Variants in MAST4 observed in about 807,000 individuals in gnomAD.
MAST4 encodes the protein microtubule-associated serine/threonine-protein kinase 4.
MAST4 carries 89 observed loss-of-function variants against 162.7 expected under a neutral mutation model. That is an observed-to-expected ratio of 0.55 (90% CI 0.46 to 0.65). The LOEUF (loss-of-function observed/expected upper bound fraction) is 0.65, where lower values mean the gene tolerates loss of function less well. MAST4 is among the 30% of genes least tolerant of loss of function. The pLI, the probability that MAST4 is intolerant of heterozygous loss-of-function variation, is 0.00. For missense variants in MAST4, 3,153 were observed against 3,374.0 expected, an observed-to-expected ratio of 0.93 and a Z score of 1.62; for synonymous variants, 1,479 against 1,361.1, an observed-to-expected ratio of 1.09 and a Z score of -1.91.
intron 4 of MAST4, among the ~76,000 whole-genome samples, chr5:66,947,252 T>C (rs1247561897): frequency 6.6e-6 from 1 of 152,184 alleles, no homozygotes; most frequent in Non-Finnish European, 1.5e-5. Flanking sequence ...ATGACTTTTA[T>C]GGTCCCTGTA....
intron 26 of MAST4, among the ~76,000 whole-genome samples, chr5:67,159,411 G>C (rs1431753886): frequency 6.6e-6 from 1 of 152,078 alleles, no homozygotes; most frequent in Non-Finnish European, 1.5e-5. Context: ...GGGGAAGGTA[G>C]ATGCTATCTT....
intron 3 of MAST4, among the ~76,000 whole-genome samples, chr5:66,844,759 A>C (rs1028035749): frequency 6.6e-6 from 1 of 152,034 alleles, no homozygotes; most frequent in African/African-American, 2.4e-5. Flanking sequence ...GTGCTGTAAG[A>C]GTACTTAAGA....
chr5:66,629,172 G>A lies in MAST4; in HGVS notation c.363+32154G>A, dbSNP rs922598468. Among the ~76,000 whole-genome samples, 49 of 152,180 alleles carry A rather than the reference G, an allele frequency of 3.2e-4. 1 individual carries two copies. Among genetic ancestry groups the A allele is most frequent in the Non-Finnish European group, 7.3e-5 (5 of 68,034 alleles). On this transcript the variant is annotated intron_variant, in intron 1 of 28. Coordinates refer to ENST00000403625, the MANE Select transcript of MAST4 (RefSeq NM_001164664.2). ...AATCACCAATATCCAGGGACAGAGA[G>A]CCAAGGAAGGCTGGGCTTTTACTGG...
intron 6 of MAST4, chr5:67,093,504 C>G: frequency 3.0e-6 from 1 of 338,844 alleles, no homozygotes; most frequent in Non-Finnish European, 6.1e-6. Flanking sequence ...CCTTTGTGCT[C>G]CATTTGAGTA....
At chr5:66,842,254 G>C (rs1463450582) in intron 3 of MAST4, among the ~76,000 whole-genome samples, 1 of 152,130 alleles carries the variant, frequency 6.6e-6, no homozygotes, top group Non-Finnish European at 1.5e-5. Context: ...TGGTGAATAG[G>C]GTAGGGTGTG....
At chr5:66,691,993 G>T (rs1014478163) in intron 1 of MAST4, among the ~76,000 whole-genome samples, 1 of 152,110 alleles carries the variant, frequency 6.6e-6, no homozygotes, top group Admixed American at 6.6e-5. Context: ...ATATGTAGGT[G>T]TAAAAATTAC....
intron 8 of MAST4, among the ~76,000 whole-genome samples, chr5:67,101,224 G>C (rs974304051): frequency 6.6e-6 from 1 of 152,182 alleles, no homozygotes; most frequent in Admixed American, 6.5e-5. Flanking sequence ...GAAGGGAGAG[G>C]CAGGATTGGA....
chr5:66,749,610 A>G (rs1485903184), intron 1 of MAST4, among the ~76,000 whole-genome samples: 4 of 152,350 alleles, frequency 2.6e-5, no homozygotes, highest in African/African-American at 9.6e-5. Context: ...CAGGACAATG[A>G]TATTAATAGT....
intron 1 of MAST4, among the ~76,000 whole-genome samples, chr5:66,656,062 G>T (rs544882903): frequency 6.6e-6 from 1 of 152,304 alleles, no homozygotes; most frequent in Non-Finnish European, 1.5e-5. Flanking sequence ...AAGAATCTGG[G>T]AATGAAGAAA....
At chr5:66,750,775 G>A (rs185442772) in intron 1 of MAST4, among the ~76,000 whole-genome samples, 1 of 152,216 alleles carries the variant, frequency 6.6e-6, no homozygotes, top group African/African-American at 2.4e-5. Flanking sequence ...GGGGAAGCTC[G>A]AACTGGGTGG....
intron 1 of MAST4, among the ~76,000 whole-genome samples, chr5:66,617,244 C>G (rs16895319): frequency 0.02 from 3,030 of 152,282 alleles, 102 homozygotes; most frequent in African/African-American, 0.069. Flanking sequence ...GTGGCTAATG[C>G]ATCGTAGCAT....
chr5:66,654,645 GAAT>G (rs1746434855), intron 1 of MAST4, among the ~76,000 whole-genome samples: 1 of 152,124 alleles, frequency 6.6e-6, no homozygotes, highest in Non-Finnish European at 1.5e-5. Context: ...TTAGAGGAAA[GAAT>G]AATTTGCTTC....
At chr5:66,854,699 C>G (rs182713472) in intron 3 of MAST4, among the ~76,000 whole-genome samples, 1 of 151,938 alleles carries the variant, frequency 6.6e-6, no homozygotes, top group Non-Finnish European at 1.5e-5. Context: ...TCCTCACTTC[C>G]GTTGTATTCT....
intron 2 of MAST4, among the ~76,000 whole-genome samples, chr5:66,762,246 T>G (rs1328530982): frequency 2.0e-5 from 3 of 149,876 alleles, no homozygotes; most frequent in Admixed American, 1.3e-4. Flanking sequence ...TGTTTAATAG[T>G]CCTTAGAAGA....
intron 4 of MAST4, chr5:66,963,673 C>T (rs1349251513): frequency 1.3e-6 from 1 of 779,214 alleles, no homozygotes; most frequent in Admixed American, 1.7e-5. Flanking sequence ...GCAATCAATT[C>T]TCCCACTTGG....
chr5:66,651,481 A>G (rs1746216110), intron 1 of MAST4, among the ~76,000 whole-genome samples: 1 of 151,942 alleles, frequency 6.6e-6, no homozygotes. Flanking sequence ...TCCTTTTTTG[A>G]TAGTTTTTAA....
chr5:66,819,054 C>T (rs1316397309), intron 3 of MAST4, among the ~76,000 whole-genome samples: 2 of 152,068 alleles, frequency 1.3e-5, no homozygotes, highest in African/African-American at 2.4e-5. Flanking sequence ...CATTGCTTAC[C>T]GTGTGATGTG....
chr5:66,754,932 G>A (rs1209108919), intron 1 of MAST4, among the ~76,000 whole-genome samples: 1 of 152,176 alleles, frequency 6.6e-6, no homozygotes, highest in Non-Finnish European at 1.5e-5. Context: ...AATGATAAAT[G>A]TAAGGTCCTG....
chr5:67,114,226 C>T lies in MAST4; in HGVS notation c.1591+7C>T, dbSNP rs759029094. The T allele has an allele frequency of 1.0e-5, 16 of 1,606,964 alleles. No individual in the cohort carries two copies. The Admixed American group carries it at 2.4e-4, about 24-fold the overall frequency. ...AATAAGGATCCCTTGGAAGGTGAGT[C>T]CCTGGGTTGTTCCTACCTTTGACTT... On this transcript the variant is annotated splice_region_variant and intron_variant, in intron 12 of 28. Coordinates refer to ENST00000403625, the MANE Select transcript of MAST4 (RefSeq NM_001164664.2).
Sources: allele counts gnomAD v4.1 joint callset (sites outside exome capture counted in the v4.1 genomes callset), GRCh38; gene constraint gnomAD v4.1.1; transcripts MANE v1.5; gene names NCBI Gene and HGNC (gene_info 2026-07-23, HGNC 2026-07-21).